The following DNMBP variants were observed in gnomAD, a reference collection of about 807,000 sequenced individuals.
DNMBP encodes the protein dynamin binding protein.
DNMBP carries 87 observed loss-of-function variants against 150.0 expected under a neutral mutation model. The ratio of observed to expected loss-of-function variants is 0.58; its 90% CI spans 0.49 to 0.69. The LOEUF is 0.69. DNMBP is among the 30% of genes least tolerant of loss of function. The probability of loss-of-function intolerance (pLI) is 0.00; values close to 1 mark genes in which losing one functional copy is unlikely to be tolerated. For synonymous variants in DNMBP, 711 were observed against 750.4 expected (o/e 0.95, Z 0.86); for missense variants, 1,774 against 1,949.0 (o/e 0.91, Z 1.69).
At chr10:99,913,972 C>A in intron 4 of DNMBP, 1 of 1,457,374 alleles carries the variant, frequency 6.9e-7, no homozygotes, top group Non-Finnish European at 9.1e-7. Context: ...CCAGAGCTGG[C>A]TGTGTGTGGA....
intron 1 of DNMBP, among the ~76,000 whole-genome samples, chr10:99,993,915 C>T (rs943765200): frequency 6.6e-6 from 1 of 152,094 alleles, no homozygotes; most frequent in Admixed American, 6.6e-5. Context: ...CATCCACCTC[C>T]CCTCCCCTAC....
chr10:99,916,377 C>T (rs1339575599), intron 4 of DNMBP, among the ~76,000 whole-genome samples: 2 of 152,012 alleles, frequency 1.3e-5, no homozygotes, highest in South Asian at 2.1e-4. Flanking sequence ...GCAGGAGAAT[C>T]GCTGGAACCT....
chr10:99,925,511 G>A (rs1361088959), intron 4 of DNMBP, among the ~76,000 whole-genome samples: 2 of 152,110 alleles, frequency 1.3e-5, no homozygotes, highest in Non-Finnish European at 2.9e-5. Context: ...CACCTCCTGG[G>A]TTCAAGCGAT....
chr10:99,972,019 C>G lies in DNMBP; in HGVS notation c.106G>C (p.Asp36His), dbSNP rs755931406. 3.1e-6 allele frequency: 5 copies of G among 1,613,992 alleles called. No individual in the cohort carries two copies. In the East Asian group the frequency reaches 8.9e-5, roughly 29 times the overall value. ...TTCTTTCCTAGAAGCCAAAATTCAT[C>G]CACCACTGCCAGCACCTCAATAATA... ...GDIIEVLAVV[D>H]EFWLLGKKED... Residue 36 changes from aspartate (D) to histidine (H), a missense_variant, in exon 2 of 17, where the codon GAT becomes CAT. Coordinates refer to ENST00000324109, the MANE Select transcript of DNMBP (RefSeq NM_015221.4).
intron 3 of DNMBP, among the ~76,000 whole-genome samples, chr10:99,958,744 G>A (rs113045304): frequency 1.7e-3 from 265 of 152,246 alleles, no homozygotes; most frequent in African/African-American, 5.4e-3. Context: ...GTAGCTAATT[G>A]AATCAATATT....
At chr10:100,007,348 C>T (rs990233040) in intron 1 of DNMBP, among the ~76,000 whole-genome samples, 1 of 152,150 alleles carries the variant, frequency 6.6e-6, no homozygotes, top group African/African-American at 2.4e-5. Context: ...AACTGGTTCC[C>T]CCTCCCAGCA....
intron 4 of DNMBP, among the ~76,000 whole-genome samples, chr10:99,916,741 T>C (rs2133259565): frequency 6.6e-6 from 1 of 152,278 alleles, no homozygotes; most frequent in South Asian, 2.1e-4. Context: ...AGGAATTTAT[T>C]CTACTAAATA....
intron 4 of DNMBP, among the ~76,000 whole-genome samples, chr10:99,937,276 C>CCAACAG: frequency 6.6e-6 from 1 of 151,962 alleles, no homozygotes; most frequent in East Asian, 1.9e-4. Flanking sequence ...ACCTCCTCAA[C>CCAACAG]CAACAGCAGC....
At chr10:99,888,622 G>A (rs2039507967) in intron 12 of DNMBP, among the ~76,000 whole-genome samples, 1 of 152,146 alleles carries the variant, frequency 6.6e-6, no homozygotes, top group Non-Finnish European at 1.5e-5. Context: ...TAAAAAACCT[G>A]TTTGTACAGA....
intron 9 of DNMBP, 31 bp from the exon 10 acceptor site, chr10:99,896,428 C>A: frequency 6.2e-7 from 1 of 1,612,948 alleles, no homozygotes; most frequent in Non-Finnish European, 8.5e-7. Context: ...GCACTTTCCT[C>A]AGCATGGGCA....
intron 1 of DNMBP, among the ~76,000 whole-genome samples, chr10:100,007,723 C>G (rs188729710): frequency 6.6e-6 from 1 of 152,240 alleles, no homozygotes; most frequent in Non-Finnish European, 1.5e-5. Flanking sequence ...AAGTTAACAT[C>G]TTGGTTTAAC....
chr10:99,905,070 T>G (rs1172371508), intron 6 of DNMBP, among the ~76,000 whole-genome samples: 2 of 152,202 alleles, frequency 1.3e-5, no homozygotes, highest in African/African-American at 2.4e-5. Flanking sequence ...TCTCATTTCT[T>G]TCTTAATACA....
At chr10:99,976,266 C>G (rs754082649) in intron 1 of DNMBP, among the ~76,000 whole-genome samples, 1 of 152,218 alleles carries the variant, frequency 6.6e-6, no homozygotes, top group African/African-American at 2.4e-5. Context: ...ACCATTTCAA[C>G]ATGTCAAAAC....
intron 1 of DNMBP, among the ~76,000 whole-genome samples, chr10:99,987,056 G>A (rs2040835675): frequency 6.6e-6 from 1 of 151,860 alleles, no homozygotes; most frequent in Admixed American, 6.6e-5. Flanking sequence ...TCGGGAGGCT[G>A]AGGCGGGAGA....
intron 4 of DNMBP, among the ~76,000 whole-genome samples, chr10:99,928,982 A>T (rs1388884232): frequency 1.3e-5 from 2 of 152,006 alleles, no homozygotes; most frequent in Non-Finnish European, 2.9e-5. Context: ...TGCCCCTACA[A>T]AAAAATAAAA....
chr10:99,913,130 T>C (rs1186853903), intron 4 of DNMBP, among the ~76,000 whole-genome samples: 1 of 152,004 alleles, frequency 6.6e-6, no homozygotes, highest in African/African-American at 2.4e-5. Context: ...CACCCGTCTC[T>C]AAAAAAATTA....
chr10:99,956,786 C>T lies in DNMBP; in HGVS notation c.688G>A (p.Val230Ile). Residue 230 changes from valine (V) to isoleucine (I), a missense_variant, in exon 4 of 17, where the codon GTA becomes ATA. Val to Ile is a conservative substitution (Grantham distance 29, BLOSUM62 3). This residue lies in a region of DNMBP where 344 missense variants were observed against 456.6 expected (regional missense o/e 0.75). Coordinates refer to ENST00000324109, the MANE Select transcript of DNMBP (RefSeq NM_015221.4). Reference sequence around the variant, plus strand: ...TCCGGCCCTATCTCTTCTTCTCCTACAGGGGTATCTACTTCACCATTAACA... The same window carrying T: ...TCCGGCCCTATCTCTTCTTCTCCTATAGGGGTATCTACTTCACCATTAACA... ...CIVNGEVDTP[V>I]GEEEIGPDED... 1 of 1,614,174 alleles carries T rather than the reference C, an allele frequency of 6.2e-7. No homozygotes were observed. Among genetic ancestry groups the T allele is most frequent in the Non-Finnish European group, 8.5e-7 (1 of 1,180,024 alleles).
At chr10:100,007,103 A>G (rs1477389021) in intron 1 of DNMBP, among the ~76,000 whole-genome samples, 6 of 151,960 alleles carry the variant, frequency 3.9e-5, no homozygotes, top group Non-Finnish European at 5.9e-5. Context: ...TGACAGAGCA[A>G]GACTCTGTCT....
chr10:99,941,900 C>G (rs1038025905), intron 4 of DNMBP, among the ~76,000 whole-genome samples: 5 of 152,244 alleles, frequency 3.3e-5, no homozygotes, highest in Non-Finnish European at 7.3e-5. Flanking sequence ...GCATCCATCC[C>G]TTGCCTGGGT....
Sources: allele counts gnomAD v4.1 joint callset (sites outside exome capture counted in the v4.1 genomes callset), GRCh38; gene constraint gnomAD v4.1.1; regional missense constraint gnomAD v4.1.1; transcripts MANE v1.5; gene names NCBI Gene and HGNC (gene_info 2026-07-23, HGNC 2026-07-21).